Variants in DYNC2I2 observed in about 807,000 individuals in gnomAD.
DYNC2I2 encodes dynein 2 intermediate chain 2.
A neutral mutation model predicts 52.0 loss-of-function variants in DYNC2I2; 39 were observed. The ratio of observed to expected loss-of-function variants is 0.75; its 90% CI spans 0.58 to 0.98. The LOEUF (loss-of-function observed/expected upper bound fraction) is 0.98. Ranked by LOEUF, DYNC2I2 falls within the 50% of genes least tolerant of loss-of-function variation. The probability of loss-of-function intolerance (pLI) is 0.00; values close to 1 mark genes in which losing one functional copy is unlikely to be tolerated. For synonymous variants in DYNC2I2, 359 were observed against 321.1 expected (o/e 1.12, Z -1.26); for missense variants, 743 against 728.4 (o/e 1.02, Z -0.23).
chr9:128,656,121 G>GATC (rs556702115), intron 1 of DYNC2I2, among the ~76,000 whole-genome samples: 84 of 144,752 alleles, frequency 5.8e-4, no homozygotes, highest in African/African-American at 2.1e-3. Flanking sequence ...GCAGGTGGGA[G>GATC]GATCGCTCAG....
chr9:128,644,696 T>C (rs142078668), intron 1 of DYNC2I2, among the ~76,000 whole-genome samples: 116 of 152,336 alleles, frequency 7.6e-4, no homozygotes, highest in African/African-American at 2.7e-3. Context: ...CTCTGCTTCA[T>C]ACGCTTTGCA....
chr9:128,652,430 C>A (rs1860734032), intron 1 of DYNC2I2, among the ~76,000 whole-genome samples: 1 of 40,824 alleles, frequency 2.4e-5, no homozygotes, highest in Non-Finnish European at 5.1e-5. Flanking sequence ...GAAACTTCAT[C>A]TCAAAAAAAA....
Position 128,655,335 on chromosome 9 carries a change from TAAA to T in DYNC2I2, c.186+1203_186+1205del, listed in dbSNP as rs869197100. Reference sequence around the variant, plus strand: ...TAACACGGTGAAACCCCGTCTCTACTAAAAAAAAAAAAAAAAAAAAAAAAAATT... The same window carrying T: ...TAACACGGTGAAACCCCGTCTCTACTAAAAAAAAAAAAAAAAAAAAAAATT... On this transcript the variant is annotated intron_variant, in intron 1 of 8. Coordinates refer to ENST00000372715, the MANE Select transcript of DYNC2I2 (RefSeq NM_052844.4). 2.6e-3 allele frequency among the ~76,000 whole-genome samples: 49 copies of T among 18,692 alleles called. 3 individuals carry two copies. The highest frequency in any genetic ancestry group is 5.1e-3 in the South Asian group (2 of 396). The allele number at this position is 18,692 out of a possible 152,430, so 12.3% of individuals were successfully genotyped here.
rs1231920712 is a variant in DYNC2I2 at position 128,640,950 on chromosome 9, G to A, written c.187-11C>T. Reference sequence around the variant, plus strand: ...CGTCTGGCAACTTTTCTGGGGGGAGGGTGAAAACAAGTGTCACCACCCAGC... The same window carrying A: ...CGTCTGGCAACTTTTCTGGGGGGAGAGTGAAAACAAGTGTCACCACCCAGC... On this transcript the variant is annotated splice_polypyrimidine_tract_variant and intron_variant, in intron 1 of 8. Transcript: ENST00000372715. The A allele has an allele frequency of 1.3e-6, 2 of 1,572,106 alleles. No homozygotes were observed. Among genetic ancestry groups the A allele is most frequent in the Admixed American group, 3.5e-5 (2 of 56,588 alleles).
chr9:128,638,155 T>C (rs1265971789), intron 2 of DYNC2I2, among the ~76,000 whole-genome samples: 1 of 149,992 alleles, frequency 6.7e-6, no homozygotes, highest in Non-Finnish European at 1.5e-5. Flanking sequence ...GAGGATCACT[T>C]GAACCCAGGA....
chr9:128,682,455 T>C, the DYNC2I2 span, among the ~76,000 whole-genome samples: 2 of 152,040 alleles, frequency 1.3e-5, no homozygotes, highest in African/African-American at 4.8e-5. Flanking sequence ...GGTGGGCAGT[T>C]GGCTTGGGAC....
chr9:128,641,431 A>T (rs866050159), intron 1 of DYNC2I2, among the ~76,000 whole-genome samples: 7 of 152,036 alleles, frequency 4.6e-5, no homozygotes, highest in Middle Eastern at 3.4e-3. Context: ...ATCCACTATG[A>T]GCTGCTAGGT....
the DYNC2I2 span, among the ~76,000 whole-genome samples, chr9:128,671,308 T>G: frequency 6.7e-6 from 1 of 150,270 alleles, no homozygotes; most frequent in Non-Finnish European, 1.5e-5. Flanking sequence ...CTCTCTTTTT[T>G]TTTTTTTTTT....
intron 2 of DYNC2I2, among the ~76,000 whole-genome samples, chr9:128,639,666 G>GT (rs959152292): frequency 6.6e-6 from 1 of 151,414 alleles, no homozygotes. Flanking sequence ...TTTTTTTGTT[G>GT]TTTTTTTGTC....
Position 128,636,266 on chromosome 9 carries a change from C to G in DYNC2I2, c.703+15G>C, listed in dbSNP as rs1860410195. 1.3e-6 allele frequency: 2 copies of G among 1,557,908 alleles called. No individual in the cohort carries two copies. Among genetic ancestry groups the G allele is most frequent in the Non-Finnish European group, 1.7e-6 (2 of 1,150,924 alleles). ...GTCCTGAGAGGAGAGGAGGCGGACA[C>G]AGCAGGCAGCTCACCTGCGACGTGG... On this transcript the variant is annotated intron_variant, in intron 4 of 8. Coordinates refer to ENST00000372715, the MANE Select transcript of DYNC2I2 (RefSeq NM_052844.4).
Position 128,635,688 on chromosome 9 carries a change from C to G in DYNC2I2, c.783G>C (p.Thr261=), listed in dbSNP as rs777631941. ...ACACAGGGTCTGTGTGGGTGTCATC[C>G]GTCAGGCCTGTGCGCCACAGCAGCG... ...EDPLLWRTGL[T]DDTHTDPVSQ... is the part of the protein sequence containing the mutation. The change falls in exon 5 of 9, where the codon ACG becomes ACC. Residue 261 remains threonine, a synonymous_variant. Coordinates refer to ENST00000372715, the MANE Select transcript of DYNC2I2 (RefSeq NM_052844.4). 6.2e-7 allele frequency: 1 copy of G among 1,611,492 alleles called. No individual in the cohort carries two copies. Among genetic ancestry groups the G allele is most frequent in the Admixed American group, 1.7e-5 (1 of 59,784 alleles).
At chr9:128,654,557 AC>A (rs1283978366) in intron 1 of DYNC2I2, among the ~76,000 whole-genome samples, 1 of 151,056 alleles carries the variant, frequency 6.6e-6, no homozygotes, top group Non-Finnish European at 1.5e-5. Context: ...CTTTGCACTG[AC>A]CTTTTTTTCC....
At chr9:128,641,978 C>T (rs1472623876) in intron 1 of DYNC2I2, among the ~76,000 whole-genome samples, 1 of 131,750 alleles carries the variant, frequency 7.6e-6, no homozygotes, top group African/African-American at 3.7e-5. Context: ...TATATACATA[C>T]ACACACACAC....
At chr9:128,634,945 G>A (rs1352187840) in intron 6 of DYNC2I2, 24 bp from the exon 7 acceptor site, 12 of 1,609,454 alleles carry the variant, frequency 7.5e-6, no homozygotes, top group Non-Finnish European at 1.0e-5. Context: ...GCAGCAGCAG[G>A]GTCAGAGCCA....
chr9:128,634,128 C>G, intron 8 of DYNC2I2, 98 bp downstream of exon 8: 1 of 1,575,140 alleles, frequency 6.3e-7, no homozygotes, highest in Non-Finnish European at 8.6e-7. Flanking sequence ...GTCCTTACCC[C>G]CATGTGTGGT....
chr9:128,678,842 A>G, the DYNC2I2 span, among the ~76,000 whole-genome samples: 151,457 of 152,064 alleles, frequency 1, 75,429 homozygotes, highest in Middle Eastern at 1. Context: ...GGTCGAGGCG[A>G]GCAGATCATG....
At position 128,640,737 on chromosome 9, in the gene DYNC2I2, T is replaced by C; in HGVS notation, c.389A>G (p.His130Arg). 1 of 1,614,204 alleles carries C rather than the reference T, an allele frequency of 6.2e-7. No homozygotes were observed. The highest frequency in any genetic ancestry group is 8.5e-7 in the Non-Finnish European group (1 of 1,180,042). ...IRELNKNWQS[H>R]AFDGFEVNWT... ...GTTCACCTCGAAGCCATCAAACGCG[T>C]GGCTCTGCCAATTCTTGTTCAGCTC... Residue 130 changes from histidine (H) to arginine (R), a missense_variant, in exon 2 of 9, where the codon CAC becomes CGC. By Grantham distance (29) the His-to-Arg change is conservative. Coordinates refer to ENST00000372715, the MANE Select transcript of DYNC2I2 (RefSeq NM_052844.4).
chr9:128,640,926 G>A lies in DYNC2I2; in HGVS notation c.200C>T (p.Thr67Met), dbSNP rs372063645. The change falls in exon 2 of 9, where the codon ACG becomes ATG. Residue 67 changes from threonine (T) to methionine (M), a missense_variant. By Grantham distance (81) the Thr-to-Met change is moderately conservative. Transcript: ENST00000372715. Reference sequence around the variant, plus strand: ...TGCACTGGCAGTGGCAATGCTGGCCGTCTGGCAACTTTTCTGGGGGGAGGG... The same window carrying A: ...TGCACTGGCAGTGGCAATGCTGGCCATCTGGCAACTTTTCTGGGGGGAGGG... ...GIRWETKSCQ[T>M]ASIATASASA... 1.3e-5 allele frequency: 21 copies of A among 1,591,026 alleles called. No individual in the cohort carries two copies. Among genetic ancestry groups the A allele is most frequent in the African/African-American group, 1.2e-4 (9 of 74,370 alleles).
At chr9:128,662,797 C>G in the DYNC2I2 span, among the ~76,000 whole-genome samples, 1 of 152,118 alleles carries the variant, frequency 6.6e-6, no homozygotes, top group Non-Finnish European at 1.5e-5. Context: ...CTCCTGACCT[C>G]GGGTGATCCA....
Sources: allele counts gnomAD v4.1 joint callset (sites outside exome capture counted in the v4.1 genomes callset), GRCh38; gene constraint gnomAD v4.1.1; transcripts MANE v1.5; gene names NCBI Gene and HGNC (gene_info 2026-07-23, HGNC 2026-07-21).